Variants in CHM observed in about 807,000 individuals in gnomAD.
CHM encodes CHM Rab escort protein.
A neutral mutation model predicts 49.0 loss-of-function variants in CHM; 10 were observed. The observed-to-expected ratio is 0.20, with a 90% confidence interval of 0.13 to 0.35. The LOEUF (loss-of-function observed/expected upper bound fraction) is 0.35. CHM is among the 10% of genes least tolerant of loss of function. CHM has a pLI of 1.00. For missense variants in CHM, 455 were observed against 478.4 expected (o/e 0.95, Z 0.46); for synonymous variants, 184 against 167.5 (o/e 1.10, Z -0.76).
At chrX:85,913,884 C>A (rs777946899) in intron 8 of CHM, among the ~76,000 whole-genome samples, 24 of 110,287 alleles carry the variant, frequency 2.2e-4, no homozygotes, top group African/African-American at 7.6e-4. Context: ...AAGCATACTG[C>A]GAACAGATCT....
intron 8 of CHM, among the ~76,000 whole-genome samples, chrX:85,911,750 CTAGA>C (rs1445892470): frequency 1.8e-5 from 2 of 111,393 alleles, no homozygotes; most frequent in African/African-American, 6.5e-5. Context: ...TGGAAAACTC[CTAGA>C]TATTTTACTT....
chrX:85,998,258 C>T lies in CHM; in HGVS notation c.117-16449G>A, dbSNP rs768761732. 2.7e-4 allele frequency among the ~76,000 whole-genome samples: 30 copies of T among 111,346 alleles called. No homozygotes were observed. In the South Asian group the frequency reaches 6.8e-3, roughly 25 times the overall value. ...AATACACAGAGGTGATGGTGAGATA[C>T]TATTATGGCATATTTTCACTACATC... On this transcript the variant is annotated intron_variant, in intron 2 of 14. Transcript: ENST00000357749.
At chrX:86,035,668 G>T (rs1190463685) in intron 1 of CHM, among the ~76,000 whole-genome samples, 4 of 110,268 alleles carry the variant, frequency 3.6e-5, no homozygotes, top group African/African-American at 1.3e-4. Context: ...TACACTTTTT[G>T]ATATATGTTG....
chrX:86,003,934 A>C (rs1233277351), intron 2 of CHM, among the ~76,000 whole-genome samples: 1 of 111,699 alleles, frequency 9.0e-6, no homozygotes, highest in Non-Finnish European at 1.9e-5. Flanking sequence ...AATCCTCAAG[A>C]AGAAAAACCC....
chrX:85,890,432 T>C (rs1264469166), intron 12 of CHM, among the ~76,000 whole-genome samples: 1 of 111,830 alleles, frequency 8.9e-6, no homozygotes, highest in East Asian at 2.8e-4. Flanking sequence ...TTGAATTGTA[T>C]CTCCCAGAAT....
intron 8 of CHM, among the ~76,000 whole-genome samples, chrX:85,955,468 A>G (rs1303649679): frequency 1.8e-5 from 2 of 112,485 alleles, no homozygotes; most frequent in Non-Finnish European, 3.8e-5. Flanking sequence ...ATGAATGGCC[A>G]GTAAACATAT....
At chrX:85,878,126 A>G (rs1174292016) in intron 13 of CHM, among the ~76,000 whole-genome samples, 2 of 112,008 alleles carry the variant, frequency 1.8e-5, no homozygotes, top group Non-Finnish European at 3.8e-5. Flanking sequence ...TCCCCCATGA[A>G]TAAGTAGCAT....
chrX:85,892,559 T>G (rs766257099), intron 12 of CHM, among the ~76,000 whole-genome samples: 1 of 111,093 alleles, frequency 9.0e-6, no homozygotes, highest in Admixed American at 9.6e-5. Context: ...TTCTGAGACC[T>G]CCCTAGCCAT....
intron 12 of CHM, among the ~76,000 whole-genome samples, chrX:85,889,773 A>T (rs1181404062): frequency 1.8e-5 from 2 of 111,879 alleles, no homozygotes; most frequent in Non-Finnish European, 3.8e-5. Context: ...TCACAGCACT[A>T]CTCATGATAG....
intron 2 of CHM, among the ~76,000 whole-genome samples, chrX:86,006,258 G>A (rs930618755): frequency 9.0e-6 from 1 of 111,049 alleles, no homozygotes; most frequent in African/African-American, 3.3e-5. Flanking sequence ...TTGATGGAAC[G>A]ATCTCAAAAT....
chrX:85,906,726 T>C (rs917073709), intron 9 of CHM, among the ~76,000 whole-genome samples: 1 of 112,274 alleles, frequency 8.9e-6, no homozygotes, highest in African/African-American at 3.2e-5. Flanking sequence ...CACTACCATT[T>C]TGCAAGCAGG....
intron 1 of CHM, among the ~76,000 whole-genome samples, chrX:86,028,050 T>C (rs1299794022): frequency 8.9e-6 from 1 of 112,243 alleles, no homozygotes; most frequent in Non-Finnish European, 1.9e-5. Context: ...CGTGAGCCAC[T>C]GTGCCCGGCC....
intron 8 of CHM, among the ~76,000 whole-genome samples, chrX:85,922,593 G>T (rs1358149571): frequency 8.9e-6 from 1 of 112,546 alleles, no homozygotes; most frequent in Admixed American, 9.4e-5. Flanking sequence ...GATGCTCCTT[G>T]CCTTGTAAAC....
chrX:85,978,397 T>C (rs1931397786), intron 4 of CHM, among the ~76,000 whole-genome samples: 1 of 111,721 alleles, frequency 9.0e-6, no homozygotes, highest in South Asian at 3.7e-4. Context: ...AGCTTAAGTG[T>C]GGCCCTGCCG....
intron 14 of CHM, among the ~76,000 whole-genome samples, chrX:85,867,667 A>C (rs1923783004): frequency 8.9e-6 from 1 of 111,914 alleles, no homozygotes; most frequent in Non-Finnish European, 1.9e-5. Context: ...TCTACGATTT[A>C]GCAGTTATGT....
At chrX:85,919,733 G>A (rs1927668652) in intron 8 of CHM, among the ~76,000 whole-genome samples, 1 of 111,626 alleles carries the variant, frequency 9.0e-6, no homozygotes, top group Non-Finnish European at 1.9e-5. Flanking sequence ...AACATAAGAA[G>A]TATTTTGTGC....
At chrX:85,885,004 A>G (rs1342164775) in intron 12 of CHM, among the ~76,000 whole-genome samples, 1 of 110,994 alleles carries the variant, frequency 9.0e-6, no homozygotes, top group African/African-American at 3.3e-5. Context: ...ATAAAGTGCC[A>G]CAATATTAGT....
intron 2 of CHM, among the ~76,000 whole-genome samples, chrX:86,012,746 C>T (rs1933131590): frequency 1.8e-5 from 2 of 111,173 alleles, no homozygotes; most frequent in South Asian, 7.6e-4. Flanking sequence ...GCTCTGATAC[C>T]TCACCTGGCA....
intron 8 of CHM, among the ~76,000 whole-genome samples, chrX:85,916,889 C>T (rs1927487023): frequency 8.9e-6 from 1 of 112,043 alleles, no homozygotes; most frequent in Non-Finnish European, 1.9e-5. Context: ...TGTGGAGATT[C>T]CTCAAGGACC....
Sources: gnomAD v4.1 joint callset for allele counts (sites outside exome capture counted in the v4.1 genomes callset) on GRCh38, gnomAD v4.1.1 for gene constraint, MANE v1.5 for transcripts, NCBI Gene and HGNC (gene_info 2026-07-23, HGNC 2026-07-21) for gene names.